CCL21: variants seen among roughly 807,000 people sequenced by gnomAD.
The protein encoded by CCL21 is C-C motif chemokine 21.
A neutral mutation model predicts 16.4 loss-of-function variants in CCL21; 12 were observed. The ratio of observed to expected loss-of-function variants is 0.73; its 90% CI spans 0.47 to 1.18. CCL21 has a LOEUF of 1.18. Ranked by LOEUF, CCL21 falls within the 50% of genes most tolerant of loss-of-function variation. The pLI is 0.00. For missense variants in CCL21, 155 were observed against 163.8 expected (o/e 0.95, Z 0.29); for synonymous variants, 64 against 62.1 (o/e 1.03, Z -0.15).
At position 34,709,900 on chromosome 9, in the gene CCL21, G is replaced by A; in HGVS notation, c.68-3C>T. On this transcript the variant is annotated splice_polypyrimidine_tract_variant and splice_region_variant and intron_variant, in intron 1 of 3. Coordinates refer to ENST00000259607, the MANE Select transcript of CCL21 (RefSeq NM_002989.4). ...GTCCTGAGCCCCTCCATCACTGCCTGCAGGGTGGGATTCACAGGGAGCCAG... is the reference window on the plus strand; with the variant it reads ...GTCCTGAGCCCCTCCATCACTGCCTACAGGGTGGGATTCACAGGGAGCCAG... 1 of 1,614,220 alleles carries A rather than the reference G, an allele frequency of 6.2e-7. No individual in the cohort carries two copies. Among genetic ancestry groups the A allele is most frequent in the African/African-American group, 1.3e-5 (1 of 75,050 alleles).
In CCL21 at chr9:34,709,100, G is replaced by A; in HGVS notation, c.*294C>T. ...GTACTGGGGAGCCGTATCAGGTCCA[G>A]GGTCCTGATGATTCTCCTTCAAGGG... On this transcript the variant is annotated 3_prime_UTR_variant, in exon 4 of 4. Transcript: ENST00000259607. 1 of 512,838 alleles carries A rather than the reference G, an allele frequency of 1.9e-6. No individual in the cohort carries two copies. Among genetic ancestry groups the A allele is most frequent in the Non-Finnish European group, 3.4e-6 (1 of 291,714 alleles). 31.8% of individuals were successfully genotyped at this position (512,838 alleles called of 1,614,324 possible). A position where few individuals can be genotyped will look rare whatever the true frequency, so the allele number is the denominator to read the frequency against.
In CCL21 at chr9:34,709,503, T is replaced by C; in HGVS notation, c.368A>G (p.Lys123Arg). 1 of 1,614,086 alleles carries C rather than the reference T, an allele frequency of 6.2e-7. No homozygotes were observed. The highest frequency in any genetic ancestry group is 8.5e-7 in the Non-Finnish European group (1 of 1,179,974). The change falls in exon 3 of 4, where the codon AAG (lysine) becomes AGG (arginine). Residue 123 changes from lysine to arginine, a missense_variant. Physicochemically the swap from Lys to Arg is conservative, Grantham distance 26. Coordinates refer to ENST00000259607, the MANE Select transcript of CCL21 (RefSeq NM_002989.4). ...GKKGKGSKGC[K>R]RTERSQTPKG... ...CCACATCCCTCAGATTCCTCACCTC[T>C]TGCAGCCTTTGGAGCCCTTTCCTTT...
In CCL21 at chr9:34,709,382, C is replaced by T; in HGVS notation, c.*12G>A. The T allele has an allele frequency of 6.2e-7, 1 of 1,606,190 alleles. No homozygotes were observed. Among genetic ancestry groups the T allele is most frequent in the South Asian group, 1.1e-5 (1 of 90,190 alleles). On this transcript the variant is annotated 3_prime_UTR_variant, in exon 4 of 4. Coordinates refer to ENST00000259607, the MANE Select transcript of CCL21 (RefSeq NM_002989.4). The stretch of plus-strand genomic sequence containing the variant: ...CTGGTGGGGTCTCCAGGGCTCCAGG[C>T]TGCTCACTGGGCTATGGCCCTTTAG...
In CCL21 at chr9:34,710,103, G is replaced by A. The variant is rs781048679; in HGVS notation, c.-37C>T. On this transcript the variant is annotated 5_prime_UTR_variant, in exon 1 of 4. Coordinates refer to ENST00000259607, the MANE Select transcript of CCL21 (RefSeq NM_002989.4). ...AGGGTGAGTAAGAGGCCAGAGCTGAGGGTGAGGTGGGCAGCTGCAAGTTGG... is the reference window on the plus strand; with the variant it reads ...AGGGTGAGTAAGAGGCCAGAGCTGAAGGTGAGGTGGGCAGCTGCAAGTTGG... 53 of 1,587,696 alleles carry A rather than the reference G, an allele frequency of 3.3e-5. 1 individual carries two copies. The highest frequency in any genetic ancestry group is 5.2e-6 in the Non-Finnish European group (6 of 1,159,088).
Position 34,709,670 on chromosome 9 carries a change from G to A in CCL21, c.201C>T (p.Arg67=). 3 of 1,614,054 alleles carry A rather than the reference G, an allele frequency of 1.9e-6. No individual in the cohort carries two copies. Among genetic ancestry groups the A allele is most frequent in the Non-Finnish European group, 2.5e-6 (3 of 1,179,944 alleles). The change falls in exon 3 of 4, where the codon CGC becomes CGT. Residue 67 remains arginine (R), a synonymous_variant. Coordinates refer to ENST00000259607, the MANE Select transcript of CCL21 (RefSeq NM_002989.4). The part of the protein sequence containing the change: ...CSIPAILFLP[R]KRSQAELCAD... ...CACATAGCTCTGCCTGAGAGCGCTTGCGGGGCAAGAACCTGCGGGTGGGGG... is the reference window on the plus strand; with the variant it reads ...CACATAGCTCTGCCTGAGAGCGCTTACGGGGCAAGAACCTGCGGGTGGGGG...
intron 1 of CCL21, 48 bp from the exon 2 acceptor site, chr9:34,709,945 A>G: frequency 1.2e-6 from 2 of 1,614,092 alleles, no homozygotes; most frequent in Non-Finnish European, 1.7e-6. Context: ...GCAAGCTCCT[A>G]TCCAGGCCTC....
Position 34,710,118 on chromosome 9 carries a change from C to G in CCL21, c.-52G>C. Reference sequence around the variant, plus strand: ...CCAGAGCTGAGGGTGAGGTGGGCAGCTGCAAGTTGGGGGTCTGTGCGTGGG... The same window carrying G: ...CCAGAGCTGAGGGTGAGGTGGGCAGGTGCAAGTTGGGGGTCTGTGCGTGGG... On this transcript the variant is annotated 5_prime_UTR_variant, in exon 1 of 4. Coordinates refer to ENST00000259607, the MANE Select transcript of CCL21 (RefSeq NM_002989.4). 1 of 1,540,612 alleles carries G rather than the reference C, an allele frequency of 6.5e-7. No homozygotes were observed. The highest frequency in any genetic ancestry group is 1.7e-4 in the Middle Eastern group (1 of 5,836).
Position 34,709,844 on chromosome 9 carries a change from G to A in CCL21, c.121C>T (p.Pro41Ser). 1 of 1,614,232 alleles carries A rather than the reference G, an allele frequency of 6.2e-7. No individual in the cohort carries two copies. The highest frequency in any genetic ancestry group is 8.5e-7 in the Non-Finnish European group (1 of 1,180,044). Reference protein sequence around the residue: ...CCLKYSQRKIPAKVVRSYRKQ... With the variant: ...CCLKYSQRKISAKVVRSYRKQ... ...CGGTAGCTGCGGACAACCTTGGCGG[G>A]AATCTTCCTTTGGCTGTACTTGAGG... Residue 41 changes from proline (P) to serine (S), a missense_variant, in exon 2 of 4, where the codon CCC becomes TCC. Physicochemically the swap from Pro to Ser is moderately conservative, Grantham distance 74 (BLOSUM62 -1). Transcript: ENST00000259607.
Position 34,709,559 on chromosome 9 carries a change from C to T in CCL21, c.312G>A (p.Arg104=). ...CAGTCTTGGAGGCCCCCCTGTCCTT[C>T]CTGCAGCCCTGGGCTGGTTTCTGTG... ...PSPQKPAQGC[R]KDRGASKTGK... Residue 104 remains arginine, a synonymous_variant, in exon 3 of 4, where the codon AGG becomes AGA. Coordinates refer to ENST00000259607, the MANE Select transcript of CCL21 (RefSeq NM_002989.4). The T allele has an allele frequency of 6.2e-7, 1 of 1,614,212 alleles. No individual in the cohort carries two copies. The highest frequency in any genetic ancestry group is 8.5e-7 in the Non-Finnish European group (1 of 1,180,024).
In CCL21 at chr9:34,709,120, C is replaced by T; in HGVS notation, c.*274G>A. On this transcript the variant is annotated 3_prime_UTR_variant, in exon 4 of 4. Coordinates refer to ENST00000259607, the MANE Select transcript of CCL21 (RefSeq NM_002989.4). Reference sequence around the variant, plus strand: ...GTCCAGGGTCCTGATGATTCTCCTTCAAGGGGACAGTCCTGCTGCCTCCTC... The same window carrying T: ...GTCCAGGGTCCTGATGATTCTCCTTTAAGGGGACAGTCCTGCTGCCTCCTC... 2 of 544,760 alleles carry T rather than the reference C, an allele frequency of 3.7e-6. No homozygotes were observed. The highest frequency in any genetic ancestry group is 3.2e-6 in the Non-Finnish European group (1 of 310,558). The allele number at this position is 544,760 out of a possible 1,614,324, so 33.7% of individuals were successfully genotyped here.
Position 34,710,125 on chromosome 9 carries a change from T to C in CCL21, c.-59A>G, listed in dbSNP as rs1587271119. The C allele has an allele frequency of 2.7e-6, 4 of 1,484,500 alleles. No homozygotes were observed. Among genetic ancestry groups the C allele is most frequent in the East Asian group, 4.6e-5 (2 of 43,212 alleles). 92.0% of individuals were successfully genotyped at this position (1,484,500 alleles called of 1,614,324 possible). A position where few individuals can be genotyped will look rare whatever the true frequency, so the allele number is the denominator to read the frequency against. On this transcript the variant is annotated 5_prime_UTR_variant, in exon 1 of 4. Coordinates refer to ENST00000259607, the MANE Select transcript of CCL21 (RefSeq NM_002989.4). ...TGAGGGTGAGGTGGGCAGCTGCAAG[T>C]TGGGGGTCTGTGCGTGGGCTGGGAT... is the stretch of plus-strand genomic sequence containing the variant.
chr9:34,709,215 G>T lies in CCL21; in HGVS notation c.*179C>A. The T allele has an allele frequency of 1.3e-6, 1 of 773,868 alleles. No individual in the cohort carries two copies. The highest frequency in any genetic ancestry group is 2.1e-6 in the Non-Finnish European group (1 of 466,290). The allele number at this position is 773,868 out of a possible 1,614,324, so 47.9% of individuals were successfully genotyped here. A position where few individuals can be genotyped will look rare whatever the true frequency, so the allele number is the denominator to read the frequency against. The stretch of plus-strand genomic sequence containing the variant: ...GGCCTGCTGTGGGCAGCTCAGCCAT[G>T]CAGGGTAGAGCTGGGAATGCAGATG... On this transcript the variant is annotated 3_prime_UTR_variant, in exon 4 of 4. Transcript: ENST00000259607.
chr9:34,709,216 C>G lies in CCL21; in HGVS notation c.*178G>C, dbSNP rs971639520. ...GCCTGCTGTGGGCAGCTCAGCCATG[C>G]AGGGTAGAGCTGGGAATGCAGATGG... On this transcript the variant is annotated 3_prime_UTR_variant, in exon 4 of 4. Coordinates refer to ENST00000259607, the MANE Select transcript of CCL21 (RefSeq NM_002989.4). 20 of 777,764 alleles carry G rather than the reference C, an allele frequency of 2.6e-5. No individual in the cohort carries two copies. The highest frequency in any genetic ancestry group is 3.0e-5 in the Non-Finnish European group (14 of 469,434). 48.2% of individuals were successfully genotyped at this position (777,764 alleles called of 1,614,324 possible).
At chr9:34,709,707 T>C (rs1426199896) in intron 2 of CCL21, 25 bp from the exon 3 acceptor site, 2 of 1,613,588 alleles carry the variant, frequency 1.2e-6, no homozygotes, top group African/African-American at 2.7e-5. Context: ...TAGTAAGCCT[T>C]CTTAGTCTTG....
chr9:34,709,136 C>G lies in CCL21; in HGVS notation c.*258G>C, dbSNP rs1411446909. On this transcript the variant is annotated 3_prime_UTR_variant, in exon 4 of 4. Coordinates refer to ENST00000259607, the MANE Select transcript of CCL21 (RefSeq NM_002989.4). ...ATTCTCCTTCAAGGGGACAGTCCTG[C>G]TGCCTCCTCTCATGCTCCCTGGGAG... 1.7e-6 allele frequency: 1 copy of G among 573,096 alleles called. No individual in the cohort carries two copies. Among genetic ancestry groups the G allele is most frequent in the African/African-American group, 1.9e-5 (1 of 53,150 alleles). 35.5% of individuals were successfully genotyped at this position (573,096 alleles called of 1,614,324 possible). A position where few individuals can be genotyped will look rare whatever the true frequency, so the allele number is the denominator to read the frequency against.
Position 34,710,011 on chromosome 9 carries a change from G to T in CCL21, c.56C>A (p.Pro19His), listed in dbSNP as rs750926648. 2 of 1,614,116 alleles carry T rather than the reference G, an allele frequency of 1.2e-6. No individual in the cohort carries two copies. The highest frequency in any genetic ancestry group is 2.2e-5 in the East Asian group (1 of 44,874). The stretch of plus-strand genomic sequence containing the variant: ...CCCTGCCTTGGTACCTTGGGTCCTG[G>T]GGATGCCAAAGGCCAGAACCAGGAT... ...LLILVLAFGI[P>H]RTQGSDGGAQ... is the part of the protein sequence containing the mutation. Residue 19 changes from proline (P) to histidine (H), a missense_variant, in exon 1 of 4, where the codon CCC (proline) becomes CAC (histidine). By Grantham distance (77) the Pro-to-His change is moderately conservative (BLOSUM62 -2). Coordinates refer to ENST00000259607, the MANE Select transcript of CCL21 (RefSeq NM_002989.4).
chr9:34,709,565 G>C lies in CCL21; in HGVS notation c.306C>G (p.Gly102=). 2 of 1,614,154 alleles carry C rather than the reference G, an allele frequency of 1.2e-6. No individual in the cohort carries two copies. Among genetic ancestry groups the C allele is most frequent in the Non-Finnish European group, 1.7e-6 (2 of 1,180,008 alleles). Residue 102 remains glycine, a synonymous_variant, in exon 3 of 4, where the codon GGC becomes GGG. Coordinates refer to ENST00000259607, the MANE Select transcript of CCL21 (RefSeq NM_002989.4). ...TGGAGGCCCCCCTGTCCTTCCTGCA[G>C]CCCTGGGCTGGTTTCTGTGGGGATG... ...KTPSPQKPAQ[G]CRKDRGASKT... is the part of the protein sequence containing the mutation.
At position 34,709,043 on chromosome 9, in the gene CCL21, T is replaced by C. The variant is rs1306361407; in HGVS notation, c.*351A>G. 5.6e-6 allele frequency: 2 copies of C among 355,274 alleles called. No homozygotes were observed. The highest frequency in any genetic ancestry group is 2.1e-5 in the African/African-American group (1 of 46,766). 22.0% of individuals were successfully genotyped at this position (355,274 alleles called of 1,614,324 possible). On this transcript the variant is annotated 3_prime_UTR_variant, in exon 4 of 4. Coordinates refer to ENST00000259607, the MANE Select transcript of CCL21 (RefSeq NM_002989.4). ...CAGAACAGCTTTTTATTCAGTTAGG[T>C]ATAAATCATATTTACAAGGAAGAGG... is the stretch of plus-strand genomic sequence containing the variant.
chr9:34,709,708 C>T (rs1821957226), intron 2 of CCL21, 26 bp from the exon 3 acceptor site: 1 of 1,613,508 alleles, frequency 6.2e-7, no homozygotes. Context: ...AGTAAGCCTT[C>T]TTAGTCTTGC....
Sources: gnomAD v4.1 joint callset for allele counts on GRCh38, gnomAD v4.1.1 for gene constraint, MANE v1.5 for transcripts, NCBI Gene and HGNC (gene_info 2026-07-23, HGNC 2026-07-21) for gene names.